The following FOCAD variants were observed in gnomAD, a reference collection of about 807,000 sequenced individuals.
FOCAD encodes focadhesin.
FOCAD carries 198 observed loss-of-function variants against 225.6 expected under a neutral mutation model. That is an observed-to-expected ratio of 0.88 (90% confidence interval 0.78 to 0.99). The LOEUF is 0.99. Ranked by LOEUF, FOCAD falls within the 50% of genes least tolerant of loss-of-function variation. The pLI is 0.00. For synonymous variants in FOCAD, 897 were observed against 755.0 expected (o/e 1.19, Z -3.08); for missense variants, 2,713 against 2,123.6 (o/e 1.28, Z -5.46).
intron 28 of FOCAD, among the ~76,000 whole-genome samples, chr9:20,940,433 T>C (rs762610024): frequency 2.0e-5 from 3 of 152,106 alleles, no homozygotes; most frequent in Non-Finnish European, 4.4e-5. Flanking sequence ...TACAGGCATA[T>C]GCAACCATGC....
At chr9:20,697,639 A>T (rs969617311) in intron 1 of FOCAD, among the ~76,000 whole-genome samples, 2 of 152,276 alleles carry the variant, frequency 1.3e-5, no homozygotes, top group Non-Finnish European at 2.9e-5. Context: ...TCTTCGGCAG[A>T]TGCCAAAACG....
rs553404355 is a variant in FOCAD at position 20,936,379 on chromosome 9, G to T, written c.3407+3276G>T. ...TGATATGGTAGTGGTAGCTGCATGT[G>T]TAAAGGGTTTCATCAGGAATAAATA... On this transcript the variant is annotated intron_variant, in intron 28 of 43. Transcript: ENST00000338382. Among the ~76,000 whole-genome samples, 4 of 152,312 alleles carry T rather than the reference G, an allele frequency of 2.6e-5. No individual in the cohort carries two copies. In the South Asian group the frequency reaches 6.2e-4, roughly 24 times the overall value.
chr9:20,669,222 C>T (rs190535530), intron 2 of FOCAD, among the ~76,000 whole-genome samples: 7 of 152,144 alleles, frequency 4.6e-5, no homozygotes, highest in Middle Eastern at 3.4e-3. Flanking sequence ...AGGGGAGGAT[C>T]GGCACTGGAG....
chr9:20,707,115 A>G (rs183967520), intron 1 of FOCAD, among the ~76,000 whole-genome samples: 5 of 152,320 alleles, frequency 3.3e-5, no homozygotes, highest in Admixed American at 1.3e-4. Context: ...AAAAGAAGAG[A>G]ACAGATATTG....
rs1339811923 is a variant in FOCAD at position 20,764,991 on chromosome 9, A to G, written c.617A>G (p.Gln206Arg). 5 of 1,614,114 alleles carry G rather than the reference A, an allele frequency of 3.1e-6. No individual in the cohort carries two copies. The highest frequency in any genetic ancestry group is 4.2e-6 in the Non-Finnish European group (5 of 1,179,996). The change falls in exon 7 of 44, where the codon CAG (glutamine) becomes CGG (arginine). Residue 206 changes from glutamine to arginine, a missense_variant. Physicochemically the swap from Gln to Arg is conservative, Grantham distance 43 (BLOSUM62 1). Transcript: ENST00000338382. ...CTGCTGAAAGTCTTACTTCAACCCCAGGTTCTTTGTGACAAAGATCAACCA... is the reference window on the plus strand; with the variant it reads ...CTGCTGAAAGTCTTACTTCAACCCCGGGTTCTTTGTGACAAAGATCAACCA... ...LALLKVLLQP[Q>R]VLCDKDQPSI... is the part of the protein sequence containing the mutation.
chr9:20,931,744 T>C (rs1253200715), intron 27 of FOCAD, among the ~76,000 whole-genome samples: 1 of 151,992 alleles, frequency 6.6e-6, no homozygotes, highest in Non-Finnish European at 1.5e-5. Context: ...CCCAGGAGTT[T>C]GAGACCAGCC....
At chr9:20,935,325 G>T (rs925160225) in intron 28 of FOCAD, among the ~76,000 whole-genome samples, 1 of 152,122 alleles carries the variant, frequency 6.6e-6, no homozygotes, top group Non-Finnish European at 1.5e-5. Flanking sequence ...CCTTAGTTTT[G>T]ACTTACGTTT....
chr9:20,986,838 A>G (rs1841213709), intron 40 of FOCAD, among the ~76,000 whole-genome samples: 1 of 152,204 alleles, frequency 6.6e-6, no homozygotes, highest in South Asian at 2.1e-4. Context: ...AACAAACAAG[A>G]GAAAACAGAA....
chr9:20,962,908 C>A (rs1046011417), intron 35 of FOCAD, among the ~76,000 whole-genome samples: 2 of 152,154 alleles, frequency 1.3e-5, no homozygotes, highest in African/African-American at 4.8e-5. Flanking sequence ...AGGAACTGAT[C>A]ATTCCTGTTG....
At chr9:20,863,407 T>G (rs1375346374) in intron 16 of FOCAD, 2 of 152,112 alleles carry the variant, frequency 1.3e-5, no homozygotes, top group Non-Finnish European at 2.9e-5. Context: ...ATAATAGTCC[T>G]TTATATGTTT....
chr9:20,717,678 T>A, intron 2 of FOCAD, 116 bp from the exon 3 acceptor site: 2 of 739,386 alleles, frequency 2.7e-6, no homozygotes, highest in Non-Finnish European at 4.4e-6. Context: ...ACACACTTAG[T>A]TAATGGGAAT....
intron 4 of FOCAD, among the ~76,000 whole-genome samples, chr9:20,721,053 T>C (rs1037504114): frequency 6.6e-6 from 1 of 152,202 alleles, no homozygotes; most frequent in African/African-American, 2.4e-5. Flanking sequence ...CCATATTTCG[T>C]CCATTTACAG....
In FOCAD at chr9:20,995,762, A is replaced by G; in HGVS notation, c.*133A>G. Reference sequence around the variant, plus strand: ...AGTTAAGGGTCATGAAAAGATGGCCACATCACTGACAGCTTGACACATGCC... The same window carrying G: ...AGTTAAGGGTCATGAAAAGATGGCCGCATCACTGACAGCTTGACACATGCC... On this transcript the variant is annotated 3_prime_UTR_variant, in exon 44 of 44. Transcript: ENST00000338382. 2 of 694,858 alleles carry G rather than the reference A, an allele frequency of 2.9e-6. No individual in the cohort carries two copies. The highest frequency in any genetic ancestry group is 4.8e-6 in the Non-Finnish European group (2 of 417,722). 43.0% of individuals were successfully genotyped at this position (694,858 alleles called of 1,614,324 possible).
intron 20 of FOCAD, among the ~76,000 whole-genome samples, chr9:20,883,741 C>A (rs775182615): frequency 1.7e-4 from 26 of 152,180 alleles, no homozygotes; most frequent in Non-Finnish European, 1.5e-5. Flanking sequence ...CTGTAGGTTG[C>A]AGCTAAAATA....
chr9:20,900,659 A>T (rs1453853212), intron 21 of FOCAD, among the ~76,000 whole-genome samples: 2 of 151,894 alleles, frequency 1.3e-5, no homozygotes, highest in Non-Finnish European at 2.9e-5. Context: ...TAATGGGGAG[A>T]AGTGGTATCT....
intron 24 of FOCAD, among the ~76,000 whole-genome samples, chr9:20,918,723 C>CAAA (rs59430546): frequency 8.7e-6 from 1 of 114,582 alleles, no homozygotes; most frequent in Non-Finnish European, 1.9e-5. Context: ...GACTCCGTCT[C>CAAA]AAAAAAAAAA....
chr9:20,959,900 T>G (rs11790053), intron 35 of FOCAD, among the ~76,000 whole-genome samples: 55,672 of 151,990 alleles, frequency 0.37, 10,446 homozygotes, highest in East Asian at 0.47. Flanking sequence ...AATTTGTATT[T>G]TTTTACCCTT....
chr9:20,991,454 A>G (rs1173056649), intron 42 of FOCAD, among the ~76,000 whole-genome samples: 3 of 152,106 alleles, frequency 2.0e-5, no homozygotes, highest in Non-Finnish European at 4.4e-5. Flanking sequence ...AATGCCTTTT[A>G]TTTTTCTTAA....
Position 20,866,917 on chromosome 9 carries a change from T to TTTTTTTTTTAAAAA in FOCAD, c.2107-12_2107-11insTTTTTTTTTAAAAA. On this transcript the variant is annotated splice_polypyrimidine_tract_variant and intron_variant, in intron 17 of 43. Coordinates refer to ENST00000338382, the MANE Select transcript of FOCAD (RefSeq NM_001375567.1). ...TTTTTTTTTTTTTTTTTTTTTTTTT[T>TTTTTTTTTTAAAAA]ACCCTATCTAGGACCCAATTGTAGC... The TTTTTTTTTTAAAAA allele has an allele frequency of 1.3e-6, 1 of 764,970 alleles. No individual in the cohort carries two copies. Among genetic ancestry groups the TTTTTTTTTTAAAAA allele is most frequent in the Non-Finnish European group, 2.0e-6 (1 of 498,466 alleles). The allele number at this position is 764,970 out of a possible 1,614,324, so 47.4% of individuals were successfully genotyped here. A position where few individuals can be genotyped will look rare whatever the true frequency, so the allele number is the denominator to read the frequency against.
Sources: gnomAD v4.1 joint callset for allele counts (sites outside exome capture counted in the v4.1 genomes callset) on GRCh38, gnomAD v4.1.1 for gene constraint, MANE v1.5 for transcripts, NCBI Gene and HGNC (gene_info 2026-07-23, HGNC 2026-07-21) for gene names.